Variants in RECQL5 observed in about 807,000 individuals in gnomAD.
RECQL5 encodes the protein RecQ like helicase 5, also known as ATP-dependent DNA helicase Q5.
RECQL5 carries 88 observed loss-of-function variants against 103.4 expected under a neutral mutation model. The ratio of observed to expected loss-of-function variants is 0.85; its 90% CI spans 0.72 to 1.02. The LOEUF (loss-of-function observed/expected upper bound fraction) is 1.02, where lower values mean the gene tolerates loss of function less well. Ranked by LOEUF, RECQL5 falls within the 50% of genes least tolerant of loss-of-function variation. The pLI is 0.00. For synonymous variants in RECQL5, 552 were observed against 507.9 expected, an observed-to-expected ratio of 1.09 and a Z score of -1.17; for missense variants, 1,232 against 1,284.3, an observed-to-expected ratio of 0.96 and a Z score of 0.62.
intron 8 of RECQL5, chr17:75,647,634 C>A: frequency 1.4e-6 from 2 of 1,472,344 alleles, no homozygotes; most frequent in South Asian, 1.3e-5. Flanking sequence ...CAGTGGTGGG[C>A]CCCTTCGCGG....
At position 75,630,682 on chromosome 17, in the gene RECQL5, T is replaced by C. The variant is rs1280603833; in HGVS notation, c.1655A>G (p.His552Arg). The change falls in exon 13 of 20, where the codon CAC becomes CGC. Residue 552 changes from histidine (H) to arginine (R), a missense_variant. By Grantham distance (29) the His-to-Arg change is conservative. Transcript: ENST00000317905. Reference sequence around the variant, plus strand: ...CGCCTCCTCCAGAAGCCGCAGGCAGTGCTCCCGTGCCTGGCACAGGACAGT... The same window carrying C: ...CGCCTCCTCCAGAAGCCGCAGGCAGCGCTCCCGTGCCTGGCACAGGACAGT... The part of the protein sequence containing the change: ...IPRLTVKARE[H>R]CLRLLEEALS... The C allele has an allele frequency of 1.2e-6, 2 of 1,613,626 alleles. No homozygotes were observed. Among genetic ancestry groups the C allele is most frequent in the East Asian group, 4.5e-5 (2 of 44,870 alleles).
intron 3 of RECQL5, among the ~76,000 whole-genome samples, chr17:75,663,975 A>T (rs1599062960): frequency 7.0e-6 from 1 of 143,004 alleles, no homozygotes; most frequent in Non-Finnish European, 1.5e-5. Flanking sequence ...AACTGCTTGA[A>T]CCCGGGAGGC....
chr17:75,640,089 G>A lies in RECQL5; in HGVS notation c.1230-8421C>T, dbSNP rs2059405782. 3 of 1,396,316 alleles carry A rather than the reference G, an allele frequency of 2.1e-6. No homozygotes were observed. Among genetic ancestry groups the A allele is most frequent in the Non-Finnish European group, 2.8e-6 (3 of 1,061,686 alleles). The allele number at this position is 1,396,316 out of a possible 1,614,324, so 86.5% of individuals were successfully genotyped here. Reference sequence around the variant, plus strand: ...CTTGTTCTGCGGGCTGCGGATGGGTGCGAGGGTGGAATCTCGGTGCTGCGA... The same window carrying A: ...CTTGTTCTGCGGGCTGCGGATGGGTACGAGGGTGGAATCTCGGTGCTGCGA... On this transcript the variant is annotated intron_variant, in intron 8 of 19. Coordinates refer to ENST00000317905, the MANE Select transcript of RECQL5 (RefSeq NM_004259.7). This position sits in a 1 kb window ranked among gnomAD's most constrained non-coding sequence, Gnocchi z 4.6.
intron 7 of RECQL5, among the ~76,000 whole-genome samples, chr17:75,656,358 G>A (rs1009282834): frequency 4.6e-5 from 7 of 152,228 alleles, no homozygotes; most frequent in African/African-American, 1.7e-4. Context: ...GATTACAGGC[G>A]TGAGCCACCG....
At chr17:75,647,847 G>A in intron 8 of RECQL5, 1 of 345,092 alleles carries the variant, frequency 2.9e-6, no homozygotes. Flanking sequence ...TGGCTCCACT[G>A]CCTCAGGTGG....
chr17:75,666,786 T>C (rs1472255865), intron 1 of RECQL5: 6 of 541,608 alleles, frequency 1.1e-5, no homozygotes. Flanking sequence ...ATGAAAACAT[T>C]GAACTATTCC....
In RECQL5 at chr17:75,666,553, C is replaced by T. The variant is rs74526564; in HGVS notation, c.5G>A (p.Ser2Asn). The T allele has an allele frequency of 5.3e-4, 855 of 1,613,988 alleles. 13 individuals carry two copies. In the East Asian group the frequency reaches 0.017, roughly 32 times the overall value. ...AAAAGGAAAGGTGGTATGGTGGCTG[C>T]TCATCTTAGCCAAGAACAGTGGCCA... Reference protein sequence around the residue: MSSHHTTFPFDP... With the variant: MNSHHTTFPFDP... Residue 2 changes from serine to asparagine, a missense_variant, in exon 2 of 20, where the codon AGC becomes AAC. Transcript: ENST00000317905.
chr17:75,640,647 C>T lies in RECQL5; in HGVS notation c.1230-8979G>A. 5 of 1,455,358 alleles carry T rather than the reference C, an allele frequency of 3.4e-6. No individual in the cohort carries two copies. The highest frequency in any genetic ancestry group is 1.4e-5 in the African/African-American group (1 of 71,422). The allele number at this position is 1,455,358 out of a possible 1,614,324, so 90.2% of individuals were successfully genotyped here. A position where few individuals can be genotyped will look rare whatever the true frequency, so the allele number is the denominator to read the frequency against. The stretch of plus-strand genomic sequence containing the variant: ...GCGGCTGGCATGGGGACCGTCCGCA[C>T]CTCTCACCAGCCTCTCGGATCTTTC... On this transcript the variant is annotated intron_variant, in intron 8 of 19. Transcript: ENST00000317905. This position sits in a 1 kb window ranked among gnomAD's most constrained non-coding sequence, Gnocchi z 4.6.
chr17:75,627,647 G>C lies in RECQL5; in HGVS notation c.2851C>G (p.Gln951Glu). ...FARHLSHLLT[Q>E]KTSPGRSVKE... ...CCGCTCCTTCCAGGAGAGGTCTTCT[G>C]AGTCAGCAAGTGTGAGAGGTGGCGG... The change falls in exon 19 of 20, where the codon CAG becomes GAG. Residue 951 changes from glutamine (Q) to glutamate (E), a missense_variant. Gln to Glu is a conservative substitution (Grantham distance 29). Transcript: ENST00000317905. 6.2e-7 allele frequency: 1 copy of C among 1,612,476 alleles called. No individual in the cohort carries two copies. The highest frequency in any genetic ancestry group is 8.5e-7 in the Non-Finnish European group (1 of 1,179,298).
At chr17:75,663,783 G>A (rs1599062619) in intron 3 of RECQL5, among the ~76,000 whole-genome samples, 3 of 152,100 alleles carry the variant, frequency 2.0e-5, no homozygotes, top group South Asian at 2.1e-4. Flanking sequence ...AGCCGGGCGC[G>A]GTGGCTCACA....
chr17:75,666,441 C>A lies in RECQL5; in HGVS notation c.117G>T (p.Met39Ile). 1 of 1,613,968 alleles carries A rather than the reference C, an allele frequency of 6.2e-7. No individual in the cohort carries two copies. The highest frequency in any genetic ancestry group is 8.5e-7 in the Non-Finnish European group (1 of 1,179,978). Residue 39 changes from methionine to isoleucine, a missense_variant, in exon 2 of 20, where the codon ATG becomes ATT. By Grantham distance (10) the Met-to-Ile change is conservative. Transcript: ENST00000317905. ...FKTPLQESAT[M>I]AVVKGNKDVF... ...TGGTAATGTTACCTTTTACTACAGC[C>A]ATGGTCGCACTCTCCTGTAAAGGCG...
intron 3 of RECQL5, 108 bp from the exon 4 acceptor site, chr17:75,663,105 A>G (rs2059720915): frequency 9.4e-7 from 1 of 1,067,446 alleles, no homozygotes; most frequent in Non-Finnish European, 1.4e-6. Flanking sequence ...CCACCCTCCA[A>G]TATATATTCT....
chr17:75,630,846 G>GA lies in RECQL5; in HGVS notation c.1586-10_1586-9insT. 2.8e-6 allele frequency: 4 copies of GA among 1,453,530 alleles called. No homozygotes were observed. The highest frequency in any genetic ancestry group is 2.8e-6 in the Non-Finnish European group (3 of 1,078,132). 90.0% of individuals were successfully genotyped at this position (1,453,530 alleles called of 1,614,324 possible). On this transcript the variant is annotated splice_polypyrimidine_tract_variant and intron_variant, in intron 11 of 19. Transcript: ENST00000317905. ...CAGGGGACAGTTCTCATCTGTGGGG[G>GA]GGGGGGGTGGTCCTTGGTCCTTTCG... is the stretch of plus-strand genomic sequence containing the variant.
intron 8 of RECQL5, chr17:75,633,540 C>T (rs1171351102): frequency 1.6e-6 from 2 of 1,284,616 alleles, no homozygotes; most frequent in Non-Finnish European, 2.0e-6. Flanking sequence ...CCCCAAGACG[C>T]CTTCAGATGC....
intron 2 of RECQL5, 65 bp downstream of exon 2, chr17:75,666,363 T>G: frequency 6.4e-7 from 1 of 1,566,252 alleles, no homozygotes; most frequent in Non-Finnish European, 8.7e-7. Flanking sequence ...AGGAGGAGGG[T>G]GTTCTGCCGC....
rs371913117 is a variant in RECQL5, at chr17:75,631,577, G to A, written c.1321C>T (p.Arg441Trp). 8.4e-5 allele frequency: 135 copies of A among 1,613,016 alleles called. No individual in the cohort carries two copies. Among genetic ancestry groups the A allele is most frequent in the African/African-American group, 3.9e-4 (29 of 75,066 alleles). ...CDHCQNPTAV[R>W]RRLEALERSS... ...CGCTCCAAGGCCTCCAGCCGCCTCC[G>A]CACGGCCGTGGGGTTCTGGCAGTGG... Residue 441 changes from arginine to tryptophan, a missense_variant, in exon 9 of 20, where the codon CGG becomes TGG. Coordinates refer to ENST00000317905, the MANE Select transcript of RECQL5 (RefSeq NM_004259.7).
At chr17:75,630,047 C>T in intron 14 of RECQL5, 137 bp downstream of exon 14, 1 of 920,356 alleles carries the variant, frequency 1.1e-6, no homozygotes, top group Admixed American at 2.9e-5. Flanking sequence ...GAGCTCTACC[C>T]CCATAAACTG....
At chr17:75,639,037 T>C (rs1341235925) in intron 8 of RECQL5, 2 of 152,220 alleles carry the variant, frequency 1.3e-5, no homozygotes, top group African/African-American at 2.4e-5. Flanking sequence ...TGGGTGCTCA[T>C]GCAAAGACCA....
At chr17:75,651,067 C>T (rs1459569136) in intron 8 of RECQL5, 119 bp downstream of exon 8, 10 of 1,587,486 alleles carry the variant, frequency 6.3e-6, no homozygotes, top group East Asian at 2.2e-5. Context: ...ACAGCCTTTG[C>T]AGGCAGGTGT....
Sources: gnomAD v4.1 joint callset for allele counts (sites outside exome capture counted in the v4.1 genomes callset) on GRCh38, gnomAD v4.1.1 for gene constraint, Gnocchi (gnomAD v3.1) non-coding constraint, MANE v1.5 for transcripts, NCBI Gene and HGNC (gene_info 2026-07-23, HGNC 2026-07-21) for gene names.